MTCH2: variants seen among roughly 807,000 people sequenced by gnomAD.
MTCH2 encodes mitochondrial carrier homolog 2.
MTCH2 carries 25 observed loss-of-function variants against 50.6 expected under a neutral mutation model. The ratio of observed to expected loss-of-function variants is 0.49; its 90% CI spans 0.36 to 0.69. The LOEUF is 0.69. MTCH2 is among the 30% of genes least tolerant of loss of function. MTCH2 has a pLI of 0.00. For synonymous variants in MTCH2, 106 were observed against 132.0 expected, an observed-to-expected ratio of 0.80 and a Z score of 1.35; for missense variants, 273 against 384.4, an observed-to-expected ratio of 0.71 and a Z score of 2.42.
Position 47,638,727 on chromosome 11 carries a change from C to T in MTCH2, c.251G>A (p.Gly84Glu). The change falls in exon 3 of 13, where the codon GGA becomes GAA. Residue 84 changes from glycine (G) to glutamate (E), a missense_variant. Gly to Glu is a moderately conservative substitution (Grantham distance 98). This residue lies in a region of MTCH2 where 203 missense variants were observed against 244.3 expected (regional missense o/e 0.83). Transcript: ENST00000302503. ...TAAAACTTTACCATGGACCACAGTT[C>T]CAAGGACTCCCGAACACAGTCTTGG... ...LTPRLCSGVL[G>E]TVVHGKVLQH... 6.2e-7 allele frequency: 1 copy of T among 1,614,256 alleles called. No individual in the cohort carries two copies. The highest frequency in any genetic ancestry group is 1.3e-5 in the African/African-American group (1 of 75,088).
downstream of MTCH2, among the ~76,000 whole-genome samples, chr11:47,612,789 C>A (rs2097286311): frequency 6.6e-6 from 1 of 151,528 alleles, no homozygotes; most frequent in Non-Finnish European, 1.5e-5. Flanking sequence ...CTCTCACTGG[C>A]AACTTCCCCT....
downstream of MTCH2, among the ~76,000 whole-genome samples, chr11:47,612,435 G>A (rs2097286140): frequency 6.6e-6 from 1 of 152,124 alleles, no homozygotes; most frequent in South Asian, 2.1e-4. Flanking sequence ...GGGCGTGGTG[G>A]CGGGCACCTG....
chr11:47,621,436 CTT>C lies in MTCH2; in HGVS notation c.825+1263_825+1264del, dbSNP rs67019206. ...CCAATCCATTTGTTGTTGTTATTGT[CTT>C]TTTTTTTTTTTTGAGATGGAGTCTT... On this transcript the variant is annotated intron_variant, in intron 12 of 12. Transcript: ENST00000302503. 7.9e-3 allele frequency among the ~76,000 whole-genome samples: 1,084 copies of C among 137,998 alleles called. 8 individuals carry two copies. Among genetic ancestry groups the C allele is most frequent in the African/African-American group, 0.022 (815 of 37,680 alleles). 90.5% of individuals were successfully genotyped at this position (137,998 alleles called of 152,430 possible).
At chr11:47,622,240 T>C (rs1223989986) in intron 12 of MTCH2, among the ~76,000 whole-genome samples, 1 of 152,098 alleles carries the variant, frequency 6.6e-6, no homozygotes, top group East Asian at 1.9e-4. Context: ...CTCATAGTAA[T>C]AACAAACCCT....
chr11:47,625,648 T>G (rs184871712), intron 11 of MTCH2, 26 bp downstream of exon 11: 65 of 1,227,470 alleles, frequency 5.3e-5, no homozygotes, highest in Non-Finnish European at 6.3e-5. Context: ...AACCACCTAC[T>G]AGAATAAGAA....
the MTCH2 span, among the ~76,000 whole-genome samples, chr11:47,608,093 A>G: frequency 1.2e-4 from 18 of 152,338 alleles, no homozygotes; most frequent in Admixed American, 4.6e-4. Context: ...GGGCAAATCA[A>G]TGAACCCTTC....
intron 3 of MTCH2, among the ~76,000 whole-genome samples, chr11:47,636,686 C>T (rs1321800780): frequency 6.6e-6 from 1 of 151,638 alleles, no homozygotes; most frequent in Non-Finnish European, 1.5e-5. Context: ...GAGCCGAGAC[C>T]ATGCCATTGC....
At chr11:47,635,393 A>G (rs567524730) in intron 4 of MTCH2, 152 bp downstream of exon 4, 1 of 776,618 alleles carries the variant, frequency 1.3e-6, no homozygotes, top group Non-Finnish European at 2.1e-6. Flanking sequence ...GGTTTCAAAC[A>G]GAACTGTCCA....
chr11:47,608,620 T>C, the MTCH2 span, among the ~76,000 whole-genome samples: 3 of 152,070 alleles, frequency 2.0e-5, no homozygotes, highest in Admixed American at 2.0e-4. Flanking sequence ...GTTGGGGAAC[T>C]GGGGCTGCAT....
chr11:47,625,846 C>T, intron 10 of MTCH2, 105 bp from the exon 11 acceptor site: 1 of 781,560 alleles, frequency 1.3e-6, no homozygotes, highest in Non-Finnish European at 2.1e-6. Flanking sequence ...CACTCTAACA[C>T]TTGTCTCGCT....
chr11:47,623,589 C>T (rs996948983), intron 11 of MTCH2, among the ~76,000 whole-genome samples: 21 of 152,084 alleles, frequency 1.4e-4, no homozygotes, highest in African/African-American at 3.6e-4. Context: ...AGTTGCTCTA[C>T]GTATCAGAAA....
chr11:47,614,994 C>CACG (rs2097287494), downstream of MTCH2, among the ~76,000 whole-genome samples: 1 of 148,862 alleles, frequency 6.7e-6, no homozygotes, highest in East Asian at 2.0e-4. Context: ...TTAGACCAGC[C>CACG]ACGACCCCAC....
chr11:47,618,725 T>G lies in MTCH2; in HGVS notation c.*108A>C, dbSNP rs201667498. The G allele has an allele frequency of 5.1e-5, 38 of 738,048 alleles. No homozygotes were observed. Among genetic ancestry groups the G allele is most frequent in the Admixed American group, 5.7e-5 (1 of 17,412 alleles). 45.7% of individuals were successfully genotyped at this position (738,048 alleles called of 1,614,324 possible). A position where few individuals can be genotyped will look rare whatever the true frequency, so the allele number is the denominator to read the frequency against. On this transcript the variant is annotated 3_prime_UTR_variant, in exon 13 of 13. Coordinates refer to ENST00000302503, the MANE Select transcript of MTCH2 (RefSeq NM_014342.4). ...ACCAAACACCTGAATTTTCCCAAGA[T>G]TAAATGATTATTAAAAAAGCGCGCC...
In MTCH2 at chr11:47,638,776, G is replaced by T. The variant is rs34072236; in HGVS notation, c.202C>A (p.Arg68Ser). 642 of 1,456,474 alleles carry T rather than the reference G, an allele frequency of 4.4e-4. 3 individuals are homozygous for T. In the African/African-American group the frequency reaches 0.013, roughly 28 times the overall value. The allele number at this position is 1,456,474 out of a possible 1,614,324, so 90.2% of individuals were successfully genotyped here. Residue 68 changes from arginine to serine, a missense_variant, in exon 3 of 13, where the codon CGC (arginine) becomes AGC (serine). Physicochemically the swap from Arg to Ser is moderately radical, Grantham distance 110. Around this residue, in one of 2 missense-constraint regions of MTCH2, gnomAD observed 203 missense variants for 244.3 expected, o/e 0.83. Coordinates refer to ENST00000302503, the MANE Select transcript of MTCH2 (RefSeq NM_014342.4). ...AQHIASIDGR[R>S]GLFTGLTPRL... is the part of the protein sequence containing the mutation. ...GGAGTTAAGCCTGTGAACAACCCGC[G>T]CCTCCCATCGATACTGGCAATGTGC...
At position 47,642,503 on chromosome 11, in the gene MTCH2, C is replaced by T; in HGVS notation, c.-38G>A. 1 of 1,519,276 alleles carries T rather than the reference C, an allele frequency of 6.6e-7. No individual in the cohort carries two copies. The highest frequency in any genetic ancestry group is 1.2e-5 in the South Asian group (1 of 81,878). The allele number at this position is 1,519,276 out of a possible 1,614,324, so 94.1% of individuals were successfully genotyped here. A position where few individuals can be genotyped will look rare whatever the true frequency, so the allele number is the denominator to read the frequency against. On this transcript the variant is annotated 5_prime_UTR_variant, in exon 1 of 13. Transcript: ENST00000302503. ...GGGCGGACGGACAGACAGACGGAGC[C>T]ACCAAGCGACCCGGTGAGCCGGTCC...
At chr11:47,635,055 G>A (rs763979031) in intron 4 of MTCH2, among the ~76,000 whole-genome samples, 46 of 152,096 alleles carry the variant, frequency 3.0e-4, no homozygotes, top group Non-Finnish European at 5.6e-4. Flanking sequence ...TTACAGGCAT[G>A]AGCCACCATG....
At chr11:47,642,308 T>C (rs2097315038) in intron 1 of MTCH2, 71 bp downstream of exon 1, 2 of 1,341,762 alleles carry the variant, frequency 1.5e-6, no homozygotes, top group South Asian at 2.7e-5. Context: ...GCTGAGCCGA[T>C]CCTCAGGCGC....
the MTCH2 span, among the ~76,000 whole-genome samples, chr11:47,610,876 G>A: frequency 6.6e-6 from 1 of 152,048 alleles, no homozygotes; most frequent in Non-Finnish European, 1.5e-5. Context: ...GCCACAATCG[G>A]AGCCGCTTCT....
chr11:47,630,078 G>C (rs1388941346), intron 8 of MTCH2, among the ~76,000 whole-genome samples: 1 of 152,032 alleles, frequency 6.6e-6, no homozygotes, highest in Non-Finnish European at 1.5e-5. Context: ...ACCCGGGCTG[G>C]AGTACAGTGG....
Sources: allele counts gnomAD v4.1 joint callset (sites outside exome capture counted in the v4.1 genomes callset), GRCh38; gene constraint gnomAD v4.1.1; regional missense constraint gnomAD v4.1.1; transcripts MANE v1.5; gene names NCBI Gene and HGNC (gene_info 2026-07-23, HGNC 2026-07-21).